The following TNIP3 variants were observed in gnomAD, a reference collection of about 807,000 sequenced individuals.
TNIP3 encodes TNFAIP3-interacting protein 3.
Under a neutral mutation model 54.1 loss-of-function variants are expected in TNIP3, and 34 were observed. That is an observed-to-expected ratio of 0.63 (90% CI 0.48 to 0.84). The LOEUF is 0.84. TNIP3 is among the 40% of genes least tolerant of loss of function. The probability of loss-of-function intolerance (pLI) is 0.00; values close to 1 mark genes in which losing one functional copy is unlikely to be tolerated. For synonymous variants in TNIP3, 134 were observed against 136.8 expected (o/e 0.98, Z 0.14); for missense variants, 366 against 387.6 (o/e 0.94, Z 0.47).
chr4:121,218,327 A>T (rs1726887090), upstream of TNIP3, among the ~76,000 whole-genome samples: 1 of 152,226 alleles, frequency 6.6e-6, no homozygotes, highest in South Asian at 2.1e-4. Context: ...CACTGGAAAC[A>T]GACAAGATGG....
intron 9 of TNIP3, 42 bp from the exon 10 acceptor site, chr4:121,138,726 C>T (rs1728936648): frequency 6.5e-7 from 1 of 1,539,182 alleles, no homozygotes. Flanking sequence ...ATATGGACTT[C>T]AAATATAGTG....
At chr4:121,149,091 T>G (rs192808503) in intron 6 of TNIP3, among the ~76,000 whole-genome samples, 10 of 152,324 alleles carry the variant, frequency 6.6e-5, no homozygotes, top group African/African-American at 2.4e-4. Context: ...GCCCCTCAGC[T>G]AAGTGAATTT....
At chr4:121,162,255 C>G (rs140256501) in intron 1 of TNIP3, among the ~76,000 whole-genome samples, 394 of 152,232 alleles carry the variant, frequency 2.6e-3, no homozygotes, top group African/African-American at 8.9e-3. Flanking sequence ...TATCTTTTCT[C>G]TGTTTGTTTA....
intron 7 of TNIP3, among the ~76,000 whole-genome samples, chr4:121,144,083 A>T (rs569499142): frequency 6.6e-6 from 1 of 152,386 alleles, no homozygotes; most frequent in South Asian, 2.1e-4. Context: ...TTTGGGGATG[A>T]CAAATGCATT....
At chr4:121,187,869 A>G (rs1349896533) in intron 2 of TNIP3, among the ~76,000 whole-genome samples, 1 of 152,354 alleles carries the variant, frequency 6.6e-6, no homozygotes, top group African/African-American at 2.4e-5. Flanking sequence ...AAGCCCTGAC[A>G]CAACTTTAGT....
rs112074787 is a variant in TNIP3 at position 121,169,833 on chromosome 4, G to A, written c.190-5687C>T. 4.9e-3 allele frequency among the ~76,000 whole-genome samples: 739 copies of A among 152,272 alleles called. 7 individuals are homozygous for A. Among genetic ancestry groups the A allele is most frequent in the African/African-American group, 0.017 (708 of 41,550 alleles). ...CTTAGAGGATATTCACTTGTGTCCC[G>A]CCTGGTTGGAACTCTGAAACAATGC... On this transcript the variant is annotated intron_variant, in intron 3 of 12. Transcript: ENST00000507879.
rs17051308 is a variant in TNIP3 at position 121,184,434 on chromosome 4, G to A, written c.69-1638C>T. On this transcript the variant is annotated intron_variant, in intron 2 of 12. Coordinates refer to the TNIP3 transcript ENST00000507879. Reference sequence around the variant, plus strand: ...TTGGTTATAACTGATTGGACCAAGAGTAAACAATTGATCCCAGTTTGGCCA... The same window carrying A: ...TTGGTTATAACTGATTGGACCAAGAATAAACAATTGATCCCAGTTTGGCCA... 9.2e-3 allele frequency among the ~76,000 whole-genome samples: 1,404 copies of A among 152,284 alleles called. 25 individuals are homozygous for A. Among genetic ancestry groups the A allele is most frequent in the African/African-American group, 0.032 (1,324 of 41,540 alleles).
chr4:121,187,628 G>A (rs1054118753), intron 2 of TNIP3, among the ~76,000 whole-genome samples: 5 of 152,162 alleles, frequency 3.3e-5, no homozygotes, highest in Admixed American at 3.3e-4. Context: ...TAGTTCTAAA[G>A]AAAACAACTA....
chr4:121,164,346 A>G, upstream of TNIP3: 2 of 1,303,072 alleles, frequency 1.5e-6, no homozygotes, highest in Non-Finnish European at 2.0e-6. Context: ...TGCAACTGGG[A>G]TTTTAACTTT....
In TNIP3 at chr4:121,159,621, A is replaced by G. The variant is rs369819273; in HGVS notation, c.148-869T>C. 5.3e-5 allele frequency among the ~76,000 whole-genome samples: 8 copies of G among 152,374 alleles called. No individual in the cohort carries two copies. The South Asian group carries it at 8.3e-4, about 16-fold the overall frequency. On this transcript the variant is annotated intron_variant, in intron 2 of 10. Transcript: ENST00000057513. ...TTAAAAGATTAACACATGATTTATAATAAATACTCAACAAATAGGTAATAT... is the reference window on the plus strand; with the variant it reads ...TTAAAAGATTAACACATGATTTATAGTAAATACTCAACAAATAGGTAATAT...
intron 1 of TNIP3, chr4:121,227,242 G>C: frequency 1.6e-6 from 1 of 637,114 alleles, no homozygotes; most frequent in East Asian, 2.9e-5. Flanking sequence ...TATCTTAATT[G>C]TTAATATTAC....
chr4:121,170,327 A>C (rs764161438), intron 3 of TNIP3, among the ~76,000 whole-genome samples: 31 of 152,224 alleles, frequency 2.0e-4, no homozygotes, highest in Admixed American at 9.8e-4. Flanking sequence ...TTTATGTATG[A>C]ATCTATAGTA....
chr4:121,195,111 T>C (rs1725505087), intron 2 of TNIP3, among the ~76,000 whole-genome samples: 1 of 151,982 alleles, frequency 6.6e-6, no homozygotes, highest in Non-Finnish European at 1.5e-5. Context: ...GAGGTTGCAG[T>C]AAGCCAAGAT....
chr4:121,210,762 A>G (rs571828019), intron 2 of TNIP3, among the ~76,000 whole-genome samples: 89 of 152,202 alleles, frequency 5.8e-4, no homozygotes, highest in African/African-American at 2.1e-3. Flanking sequence ...ATCCTATTGT[A>G]CCAGAGCCCC....
intron 3 of TNIP3, among the ~76,000 whole-genome samples, chr4:121,181,624 G>GTGTGT (rs59255247): frequency 2.0e-5 from 3 of 148,678 alleles, no homozygotes; most frequent in African/African-American, 4.9e-5. Context: ...TAATAAGACA[G>GTGTGT]GTGTGTGTGT....
chr4:121,153,976 C>T (rs948689942), intron 5 of TNIP3, among the ~76,000 whole-genome samples: 7 of 151,992 alleles, frequency 4.6e-5, no homozygotes, highest in Admixed American at 3.9e-4. Flanking sequence ...TCCTCCAAAA[C>T]ATGAATGAAC....
At chr4:121,222,851 G>C (rs1345054792) in intron 1 of TNIP3, among the ~76,000 whole-genome samples, 1 of 129,846 alleles carries the variant, frequency 7.7e-6, no homozygotes, top group Non-Finnish European at 1.6e-5. Flanking sequence ...TGTCACCCAG[G>C]CTAGAGTGCA....
chr4:121,165,368 A>G (rs1168770536), upstream of TNIP3, among the ~76,000 whole-genome samples: 2 of 151,786 alleles, frequency 1.3e-5, no homozygotes, highest in Admixed American at 6.6e-5. Flanking sequence ...TGTTCTTGCC[A>G]CCTCAGATGT....
chr4:121,223,709 C>A (rs1398644277), intron 1 of TNIP3, among the ~76,000 whole-genome samples: 2 of 152,286 alleles, frequency 1.3e-5, no homozygotes, highest in Non-Finnish European at 2.9e-5. Flanking sequence ...CCTTGAACAC[C>A]TTTCTTAGCT....
Sources: allele counts gnomAD v4.1 joint callset (sites outside exome capture counted in the v4.1 genomes callset), GRCh38; gene constraint gnomAD v4.1.1; transcripts MANE v1.5; gene names NCBI Gene and HGNC (gene_info 2026-07-23, HGNC 2026-07-21).